The following DENND4B variants were observed in gnomAD, a reference collection of about 807,000 sequenced individuals.
DENND4B encodes DENN domain-containing protein 4B.
In DENND4B, 67 loss-of-function variants were observed where a neutral mutation model predicts 161.0. The ratio of observed to expected loss-of-function variants is 0.42; its 90% CI spans 0.34 to 0.51. DENND4B has a LOEUF of 0.51. Ranked by LOEUF, DENND4B falls within the 20% of genes least tolerant of loss-of-function variation. The pLI, the probability that DENND4B is intolerant of heterozygous loss-of-function variation, is 0.08. For missense variants in DENND4B, 1,481 were observed against 1,968.0 expected, an observed-to-expected ratio of 0.75 and a Z score of 4.68; for synonymous variants, 753 against 813.8, an observed-to-expected ratio of 0.93 and a Z score of 1.27.
chr1:153,932,589 C>T lies in DENND4B; in HGVS notation c.3759+53G>A. The T allele has an allele frequency of 6.3e-7, 1 of 1,586,380 alleles. No homozygotes were observed. The highest frequency in any genetic ancestry group is 8.6e-7 in the Non-Finnish European group (1 of 1,163,912). ...CCATCTCTCCCTGGCACCCCACAGG[C>T]CCCACACAGGGCAACATTCCCGTTC... On this transcript the variant is annotated intron_variant, in intron 23 of 27. Coordinates refer to ENST00000361217, the MANE Select transcript of DENND4B (RefSeq NM_014856.3). The surrounding 1 kb of genome is among the most constrained non-coding windows in gnomAD (Gnocchi z 5.8).
At position 153,932,206 on chromosome 1, in the gene DENND4B, G is replaced by C. The variant is rs779137093; in HGVS notation, c.3994C>G (p.Gln1332Glu). The change falls in exon 24 of 28, where the codon CAG (glutamine) becomes GAG (glutamate). Residue 1332 changes from glutamine to glutamate, a missense_variant and splice_region_variant. Gln to Glu is a conservative substitution (Grantham distance 29). Coordinates refer to ENST00000361217, the MANE Select transcript of DENND4B (RefSeq NM_014856.3). This position sits in a 1 kb window ranked among gnomAD's most constrained non-coding sequence, Gnocchi z 5.8. ...LASCDGPSHS[Q>E]APSPWLTPDP... ...AGGGGCCACATGGGGGCACTGACCT[G>C]GGAGTGCGAAGGCCCATCACAGGAG... 1.2e-6 allele frequency: 2 copies of C among 1,613,096 alleles called. No homozygotes were observed.
chr1:153,940,273 A>G lies in DENND4B; in HGVS notation c.1503-17T>C. The G allele has an allele frequency of 1.9e-6, 3 of 1,584,006 alleles. No individual in the cohort carries two copies. Among genetic ancestry groups the G allele is most frequent in the Non-Finnish European group, 2.6e-6 (3 of 1,165,394 alleles). On this transcript the variant is annotated splice_polypyrimidine_tract_variant and intron_variant, in intron 10 of 27. Coordinates refer to ENST00000361217, the MANE Select transcript of DENND4B (RefSeq NM_014856.3). The surrounding 1 kb of genome is among the most constrained non-coding windows in gnomAD (Gnocchi z 5.6). Reference sequence around the variant, plus strand: ...TCCTCAGTCCTGTGAGAAAAGCATAAGGGGAAAGAGTGGCGAGGCTCTGGG... The same window carrying G: ...TCCTCAGTCCTGTGAGAAAAGCATAGGGGGAAAGAGTGGCGAGGCTCTGGG...
intron 24 of DENND4B, among the ~76,000 whole-genome samples, 193 bp from the exon 25 acceptor site, chr1:153,931,257 C>T (rs757653243): frequency 2.6e-5 from 4 of 152,168 alleles, no homozygotes; most frequent in Non-Finnish European, 4.4e-5. Context: ...CTGCTACATA[C>T]CTAGTGCCTA....
chr1:153,935,815 G>C lies in DENND4B; in HGVS notation c.2568+245C>G. ...TAAAATGTGTGATGCGTATGGACCC[G>C]TGCCTGGCTTAGCGGCTGACACTAT... On this transcript the variant is annotated intron_variant, in intron 17 of 27. Transcript: ENST00000361217. The C allele has an allele frequency of 1.7e-5, 8 of 479,394 alleles. No homozygotes were observed. The South Asian group carries it at 1.7e-4, about 10-fold the overall frequency. The allele number at this position is 479,394 out of a possible 1,614,324, so 29.7% of individuals were successfully genotyped here.
chr1:153,936,590 G>A lies in DENND4B; in HGVS notation c.2391C>T (p.Tyr797=). 1 of 1,611,390 alleles carries A rather than the reference G, an allele frequency of 6.2e-7. No individual in the cohort carries two copies. Among genetic ancestry groups the A allele is most frequent in the Non-Finnish European group, 8.5e-7 (1 of 1,178,456 alleles). Residue 797 remains tyrosine (Y), a synonymous_variant, in exon 16 of 28, where the codon TAC becomes TAT. Transcript: ENST00000361217. The surrounding 1 kb of genome is among the most constrained non-coding windows in gnomAD (Gnocchi z 4.1). Reference sequence around the variant, plus strand: ...CGCTCTCCATCTGGCGCAGCACATGGTAGGCTGTGTGCAGTGCCTGCACTC... The same window carrying A: ...CGCTCTCCATCTGGCGCAGCACATGATAGGCTGTGTGCAGTGCCTGCACTC... The part of the protein sequence containing the change: ...PSRVQALHTA[Y]HVLRQMESGK...
chr1:153,943,006 G>A lies in DENND4B; in HGVS notation c.442C>T (p.Arg148Trp), dbSNP rs764111803. 1.2e-6 allele frequency: 2 copies of A among 1,614,010 alleles called. No homozygotes were observed. Among genetic ancestry groups the A allele is most frequent in the Non-Finnish European group, 8.5e-7 (1 of 1,179,888 alleles). The change falls in exon 3 of 28, where the codon CGG (arginine) becomes TGG (tryptophan). Residue 148 changes from arginine (R) to tryptophan (W), a missense_variant. Coordinates refer to ENST00000361217, the MANE Select transcript of DENND4B (RefSeq NM_014856.3). ...AGCCCTGCCCCCTCTGCTGCCCGCC[G>A]GTAAGTGAGGTAGGTGCGGGGGTGC... is the stretch of plus-strand genomic sequence containing the variant. ...PGHPRTYLTY[R>W]RAAEGAGLHA...
Position 153,933,690 on chromosome 1 carries a change from G to A in DENND4B, c.3123C>T (p.Pro1041=). The change falls in exon 20 of 28, where the codon CCC becomes CCT. Residue 1041 remains proline, a synonymous_variant. Transcript: ENST00000361217. The surrounding 1 kb of genome is among the most constrained non-coding windows in gnomAD (Gnocchi z 5.7). The part of the protein sequence containing the change: ...EALEGLSGRG[P]KAGGRQDEAG... ...CCTCATCCTGTCGCCCACCAGCCTT[G>A]GGTCCCCGCCCACTTAGCCCTTCCA... The A allele has an allele frequency of 6.3e-7, 1 of 1,574,998 alleles. No individual in the cohort carries two copies. The highest frequency in any genetic ancestry group is 1.7e-4 in the Middle Eastern group (1 of 5,874).
In DENND4B at chr1:153,940,403, A is replaced by G; in HGVS notation, c.1502+28T>C. ...AGCCCATTCCTGCCCACCACCCTGC[A>G]GCCCCCAAATGAGACCCAGCCTCTT... is the stretch of plus-strand genomic sequence containing the variant. On this transcript the variant is annotated intron_variant, in intron 10 of 27. Coordinates refer to ENST00000361217, the MANE Select transcript of DENND4B (RefSeq NM_014856.3). This position sits in a 1 kb window ranked among gnomAD's most constrained non-coding sequence, Gnocchi z 5.6. The G allele has an allele frequency of 6.2e-7, 1 of 1,605,884 alleles. No individual in the cohort carries two copies. The highest frequency in any genetic ancestry group is 8.5e-7 in the Non-Finnish European group (1 of 1,175,730).
intron 12 of DENND4B, among the ~76,000 whole-genome samples, 171 bp downstream of exon 12, chr1:153,939,418 C>T (rs79097346): frequency 0.02 from 3,057 of 152,092 alleles, 109 homozygotes; most frequent in African/African-American, 0.07. Flanking sequence ...CTGATTCCCC[C>T]CCAAGACCAG....
Position 153,936,607 on chromosome 1 carries a change from C to A in DENND4B, c.2374G>T (p.Ala792Ser). The A allele has an allele frequency of 6.2e-7, 1 of 1,612,556 alleles. No individual in the cohort carries two copies. The highest frequency in any genetic ancestry group is 1.1e-5 in the South Asian group (1 of 90,802). ...YVRSAPSRVQALHTAYHVLRQ... is the reference protein window; with the variant it reads ...YVRSAPSRVQSLHTAYHVLRQ... Reference sequence around the variant, plus strand: ...AGCACATGGTAGGCTGTGTGCAGTGCCTGCACTCGGGAGGGTGCCGACCGC... The same window carrying A: ...AGCACATGGTAGGCTGTGTGCAGTGACTGCACTCGGGAGGGTGCCGACCGC... The change falls in exon 16 of 28, where the codon GCA becomes TCA. Residue 792 changes from alanine (A) to serine (S), a missense_variant. Coordinates refer to ENST00000361217, the MANE Select transcript of DENND4B (RefSeq NM_014856.3). The surrounding 1 kb of genome is among the most constrained non-coding windows in gnomAD (Gnocchi z 4.1).
rs1679982762 is a variant in DENND4B, at chr1:153,946,507, G to A, written c.-230C>T. On this transcript the variant is annotated 5_prime_UTR_variant, in exon 1 of 28. Coordinates refer to ENST00000361217, the MANE Select transcript of DENND4B (RefSeq NM_014856.3). The surrounding 1 kb of genome is among the most constrained non-coding windows in gnomAD (Gnocchi z 6.3). ...GTGGAAGGAGATCCGGGCGGTCCCC[G>A]CGTCCCCGCCGCGCTGCGCCACGCG... 2.6e-6 allele frequency: 1 copy of A among 389,934 alleles called. No homozygotes were observed. Among genetic ancestry groups the A allele is most frequent in the Non-Finnish European group, 4.5e-6 (1 of 220,320 alleles). 24.2% of individuals were successfully genotyped at this position (389,934 alleles called of 1,614,324 possible). A position where few individuals can be genotyped will look rare whatever the true frequency, so the allele number is the denominator to read the frequency against.
chr1:153,933,068 G>T lies in DENND4B; in HGVS notation c.3454-38C>A. On this transcript the variant is annotated intron_variant, in intron 21 of 27. Transcript: ENST00000361217. The surrounding 1 kb of genome is among the most constrained non-coding windows in gnomAD (Gnocchi z 5.7). ...AGAGTCGGGAAGTAGGTGCTGTCTG[G>T]CCGCCAGCACTCTGGAGCCCATGCC... 2 of 1,610,352 alleles carry T rather than the reference G, an allele frequency of 1.2e-6. No individual in the cohort carries two copies. Among genetic ancestry groups the T allele is most frequent in the Non-Finnish European group, 8.5e-7 (1 of 1,177,504 alleles).
At position 153,938,942 on chromosome 1, in the gene DENND4B, A is replaced by T; in HGVS notation, c.1923T>A (p.Ala641=). 6.2e-7 allele frequency: 1 copy of T among 1,605,532 alleles called. No homozygotes were observed. Among genetic ancestry groups the T allele is most frequent in the Non-Finnish European group, 8.5e-7 (1 of 1,175,876 alleles). ...QFIEECSFGS[A]RHAALEFFDS... ...CAAAGAATTCAAGGGCAGCATGGCG[A>T]GCAGAGCCAAAAGAGCACTCCTCAA... The change falls in exon 13 of 28, where the codon GCT becomes GCA. Residue 641 remains alanine, a synonymous_variant. Coordinates refer to ENST00000361217, the MANE Select transcript of DENND4B (RefSeq NM_014856.3).
At chr1:153,939,565 C>A (rs780432537) in intron 12 of DENND4B, 24 bp downstream of exon 12, 1 of 1,580,334 alleles carries the variant, frequency 6.3e-7, no homozygotes, top group Non-Finnish European at 8.6e-7. Context: ...GATACATCTC[C>A]AAGCAGAGAC....
chr1:153,940,140 C>G lies in DENND4B; in HGVS notation c.1603+16G>C, dbSNP rs956309728. On this transcript the variant is annotated intron_variant, in intron 11 of 27. Coordinates refer to ENST00000361217, the MANE Select transcript of DENND4B (RefSeq NM_014856.3). The surrounding 1 kb of genome is among the most constrained non-coding windows in gnomAD (Gnocchi z 5.6). ...AATGACAGTTCCCAGCCTCCCTCCCCACCCAGGCTTCTCACTCTGGTCCAG... is the reference window on the plus strand; with the variant it reads ...AATGACAGTTCCCAGCCTCCCTCCCGACCCAGGCTTCTCACTCTGGTCCAG... The G allele has an allele frequency of 1.3e-6, 2 of 1,545,570 alleles. No homozygotes were observed. The highest frequency in any genetic ancestry group is 1.7e-6 in the Non-Finnish European group (2 of 1,148,096).
chr1:153,930,602 C>T lies in DENND4B; in HGVS notation c.4282G>A (p.Gly1428Arg), dbSNP rs1194841826. 6 of 1,613,886 alleles carry T rather than the reference C, an allele frequency of 3.7e-6. No homozygotes were observed. Among genetic ancestry groups the T allele is most frequent in the Non-Finnish European group, 5.1e-6 (6 of 1,179,890 alleles). The change falls in exon 27 of 28, where the codon GGA becomes AGA. Residue 1428 changes from glycine (G) to arginine (R), a missense_variant and splice_region_variant. By Grantham distance (125) the Gly-to-Arg change is moderately radical. Around this residue, in one of 3 missense-constraint regions of DENND4B, gnomAD observed 336 missense variants for 503.3 expected, o/e 0.67. Coordinates refer to ENST00000361217, the MANE Select transcript of DENND4B (RefSeq NM_014856.3). This position sits in a 1 kb window ranked among gnomAD's most constrained non-coding sequence, Gnocchi z 4.7. ...PPPTGLHLQR[G>R]IYREILFLTM... ...AGGAATAATATCTCACGGTAGATTC[C>T]CCTTTAGTGGAGGCAGAAGTGTATG...
chr1:153,940,141 A>C lies in DENND4B; in HGVS notation c.1603+15T>G. The C allele has an allele frequency of 6.5e-7, 1 of 1,545,830 alleles. No individual in the cohort carries two copies. Reference sequence around the variant, plus strand: ...ATGACAGTTCCCAGCCTCCCTCCCCACCCAGGCTTCTCACTCTGGTCCAGC... The same window carrying C: ...ATGACAGTTCCCAGCCTCCCTCCCCCCCCAGGCTTCTCACTCTGGTCCAGC... On this transcript the variant is annotated intron_variant, in intron 11 of 27. Transcript: ENST00000361217. This position sits in a 1 kb window ranked among gnomAD's most constrained non-coding sequence, Gnocchi z 5.6.
Position 153,930,576 on chromosome 1 carries a change from C to G in DENND4B, c.4308G>C (p.Leu1436=). 6.2e-7 allele frequency: 1 copy of G among 1,614,012 alleles called. No individual in the cohort carries two copies. Among genetic ancestry groups the G allele is most frequent in the South Asian group, 1.1e-5 (1 of 91,084 alleles). Reference sequence around the variant, plus strand: ...GGTCCTTGCCCAGAGCAGCCATTGTCAGGAATAATATCTCACGGTAGATTC... The same window carrying G: ...GGTCCTTGCCCAGAGCAGCCATTGTGAGGAATAATATCTCACGGTAGATTC... ...QRGIYREILF[L]TMAALGKDHV... The change falls in exon 27 of 28, where the codon CTG becomes CTC. Residue 1436 remains leucine (L), a synonymous_variant. Transcript: ENST00000361217. This position sits in a 1 kb window ranked among gnomAD's most constrained non-coding sequence, Gnocchi z 4.7.
At chr1:153,935,967 G>A (rs1313785217) in intron 17 of DENND4B, 93 bp downstream of exon 17, 1 of 1,493,920 alleles carries the variant, frequency 6.7e-7, no homozygotes, top group African/African-American at 1.4e-5. Context: ...AACAGTACCA[G>A]CCCAATCTCC....
Sources: gnomAD v4.1 joint callset for allele counts (sites outside exome capture counted in the v4.1 genomes callset) on GRCh38, gnomAD v4.1.1 for gene constraint, gnomAD v4.1.1 regional missense constraint, Gnocchi (gnomAD v3.1) non-coding constraint, MANE v1.5 for transcripts, NCBI Gene and HGNC (gene_info 2026-07-23, HGNC 2026-07-21) for gene names.